The following PLEKHG7 variants were observed in gnomAD, a reference collection of about 807,000 sequenced individuals.
PLEKHG7 encodes the protein pleckstrin homology domain-containing family G member 7.
In PLEKHG7, 77 loss-of-function variants were observed where a neutral mutation model predicts 85.2. The observed-to-expected ratio is 0.90, with a 90% CI of 0.75 to 1.09. The LOEUF (loss-of-function observed/expected upper bound fraction) is 1.09. Among genes scored for constraint, PLEKHG7 ranks in the 50% least tolerant of loss-of-function variants. The probability of loss-of-function intolerance (pLI) is 0.00; values close to 1 mark genes in which losing one functional copy is unlikely to be tolerated. For missense variants in PLEKHG7, 777 were observed against 804.3 expected (o/e 0.97, Z 0.41); for synonymous variants, 301 against 302.4 (o/e 1.00, Z 0.05).
intron 9 of PLEKHG7, among the ~76,000 whole-genome samples, chr12:92,743,258 A>G (rs1382513775): frequency 1.3e-5 from 2 of 152,162 alleles, no homozygotes; most frequent in East Asian, 3.9e-4. Context: ...TTTCTGCCCG[A>G]AACAACACAT....
chr12:92,737,722 AAGGAAGGAGGG>A (rs1432973908), intron 7 of PLEKHG7, among the ~76,000 whole-genome samples: 2 of 111,748 alleles, frequency 1.8e-5, no homozygotes, highest in African/African-American at 7.0e-5. Context: ...AGAGGGAGGG[AAGGAAGGAGGG>A]AGGAAGGGAG....
chr12:92,735,357 C>T (rs1335781174), intron 5 of PLEKHG7, among the ~76,000 whole-genome samples: 1 of 152,206 alleles, frequency 6.6e-6, no homozygotes, highest in Non-Finnish European at 1.5e-5. Flanking sequence ...GAGAAACCAG[C>T]CACAGCCCAT....
chr12:92,720,164 G>A (rs895424197), intron 3 of PLEKHG7, among the ~76,000 whole-genome samples: 9 of 152,118 alleles, frequency 5.9e-5, no homozygotes, highest in African/African-American at 2.2e-4. Flanking sequence ...TGAAATCACA[G>A]TTTGGGCAGA....
chr12:92,704,204 G>A (rs1299270860), intron 1 of PLEKHG7, among the ~76,000 whole-genome samples: 1 of 151,954 alleles, frequency 6.6e-6, no homozygotes, highest in African/African-American at 2.4e-5. Context: ...TGAGGTTACA[G>A]TGCGATATGA....
At chr12:92,715,485 A>G (rs936904124) in intron 3 of PLEKHG7, among the ~76,000 whole-genome samples, 1 of 152,054 alleles carries the variant, frequency 6.6e-6, no homozygotes, top group Non-Finnish European at 1.5e-5. Context: ...AGAACTGAAA[A>G]CAAAAACAAA....
Position 92,706,677 on chromosome 12 carries a change from T to C in PLEKHG7, c.46T>C (p.Cys16Arg). 4.3e-6 allele frequency: 7 copies of C among 1,614,140 alleles called. No individual in the cohort carries two copies. Among genetic ancestry groups the C allele is most frequent in the Non-Finnish European group, 5.9e-6 (7 of 1,180,010 alleles). The change falls in exon 2 of 17, where the codon TGT becomes CGT. Residue 16 changes from cysteine to arginine, a missense_variant. Cys to Arg is a radical substitution (Grantham distance 180). This residue lies in a region of PLEKHG7 where 252 missense variants were observed against 241.9 expected (regional missense o/e 1.04). Coordinates refer to ENST00000344636, the MANE Select transcript of PLEKHG7 (RefSeq NM_001377329.1). ...SFCPEVPPQD[C>R]GASPRPSLRS... ...CTGTCCAGAGGTGCCACCCCAAGAC[T>C]GTGGAGCCTCTCCTCGGCCCTCGCT...
intron 7 of PLEKHG7, among the ~76,000 whole-genome samples, chr12:92,739,555 T>C (rs1872286540): frequency 1.3e-5 from 2 of 152,200 alleles, no homozygotes. Flanking sequence ...CAAACTGACA[T>C]TTCCTGTTTA....
rs1342783116 is a variant in PLEKHG7 at position 92,727,960 on chromosome 12, GTGTA to G, written c.531-1031_531-1028del. Among the ~76,000 whole-genome samples the G allele has an allele frequency of 2.3e-3, 244 of 103,882 alleles. 8 individuals carry two copies. In the Middle Eastern group the frequency reaches 0.032, roughly 14 times the overall value. 68.2% of individuals were successfully genotyped at this position (103,882 alleles called of 152,430 possible). ...TGTGTGTGTGTGTGTGTGTGTGTGT[GTGTA>G]TATATATATATACACATATATACAC... is the stretch of plus-strand genomic sequence containing the variant. On this transcript the variant is annotated intron_variant, in intron 3 of 16. Coordinates refer to ENST00000344636, the MANE Select transcript of PLEKHG7 (RefSeq NM_001377329.1).
chr12:92,761,703 C>T, intron 13 of PLEKHG7, 49 bp from the exon 14 acceptor site: 1 of 1,491,762 alleles, frequency 6.7e-7, no homozygotes, highest in Non-Finnish European at 8.9e-7. Context: ...AAAAACTCTT[C>T]TACTTAACAG....
chr12:92,740,652 T>A (rs1421567585), intron 7 of PLEKHG7, among the ~76,000 whole-genome samples: 1 of 152,216 alleles, frequency 6.6e-6, no homozygotes, highest in Non-Finnish European at 1.5e-5. Context: ...ACTTTCATAC[T>A]GAAAAGCTCA....
intron 1 of PLEKHG7, among the ~76,000 whole-genome samples, chr12:92,703,708 C>A (rs1425576415): frequency 6.6e-6 from 1 of 152,260 alleles, no homozygotes; most frequent in African/African-American, 2.4e-5. Flanking sequence ...CTAAGCCCTG[C>A]TGTTTTTAAA....
intron 13 of PLEKHG7, among the ~76,000 whole-genome samples, chr12:92,757,601 T>G (rs1394234863): frequency 6.6e-6 from 1 of 152,232 alleles, no homozygotes; most frequent in Non-Finnish European, 1.5e-5. Context: ...TCATACATTG[T>G]CTCTTTCCAG....
At chr12:92,759,294 A>T (rs1872920940) in intron 13 of PLEKHG7, among the ~76,000 whole-genome samples, 1 of 152,252 alleles carries the variant, frequency 6.6e-6, no homozygotes, top group Non-Finnish European at 1.5e-5. Flanking sequence ...AATACGTAGA[A>T]GGTGTGCTCC....
chr12:92,735,758 C>T (rs1483565453), intron 5 of PLEKHG7, among the ~76,000 whole-genome samples: 4 of 152,092 alleles, frequency 2.6e-5, no homozygotes, highest in Non-Finnish European at 5.9e-5. Flanking sequence ...AAATATGGTA[C>T]ATTATACCAT....
At position 92,733,372 on chromosome 12, in the gene PLEKHG7, A is replaced by G. The variant is rs1872048921; in HGVS notation, c.699+1099A>G. ...AGTAGTATCTTTAATTAGGGTTTGG[A>G]AAACAACTTATTCTCATAGCCAAGT... is the stretch of plus-strand genomic sequence containing the variant. On this transcript the variant is annotated intron_variant, in intron 5 of 16. Coordinates refer to ENST00000344636, the MANE Select transcript of PLEKHG7 (RefSeq NM_001377329.1). Among the ~76,000 whole-genome samples the G allele has an allele frequency of 2.0e-5, 3 of 152,214 alleles. No individual in the cohort carries two copies. In the South Asian group the frequency reaches 6.2e-4, roughly 31 times the overall value.
intron 11 of PLEKHG7, among the ~76,000 whole-genome samples, chr12:92,755,135 T>C (rs1872792504): frequency 1.3e-5 from 2 of 152,210 alleles, no homozygotes; most frequent in Admixed American, 1.3e-4. Flanking sequence ...GATGGGTTTG[T>C]GAGGAAAGAT....
At chr12:92,705,641 C>T (rs531722702) in intron 1 of PLEKHG7, among the ~76,000 whole-genome samples, 6 of 152,352 alleles carry the variant, frequency 3.9e-5, no homozygotes, top group South Asian at 2.1e-4. Flanking sequence ...ATGGGTCTCT[C>T]GCCTGTCCCA....
chr12:92,770,217 T>A lies in PLEKHG7; in HGVS notation c.*22T>A, dbSNP rs777622234. Reference sequence around the variant, plus strand: ...TTAGGGACCTAAAACAAGTGGCATGTCTTTTTAGAAGATTATGGTTTAAGG... The same window carrying A: ...TTAGGGACCTAAAACAAGTGGCATGACTTTTTAGAAGATTATGGTTTAAGG... On this transcript the variant is annotated 3_prime_UTR_variant, in exon 17 of 17. Coordinates refer to ENST00000344636, the MANE Select transcript of PLEKHG7 (RefSeq NM_001377329.1). The A allele has an allele frequency of 2.7e-6, 4 of 1,487,482 alleles. No individual in the cohort carries two copies. Among genetic ancestry groups the A allele is most frequent in the Non-Finnish European group, 9.3e-7 (1 of 1,075,686 alleles). 92.1% of individuals were successfully genotyped at this position (1,487,482 alleles called of 1,614,324 possible).
In PLEKHG7 at chr12:92,706,602, C is replaced by G. The variant is rs377053096; in HGVS notation, c.-30C>G. 6.5e-5 allele frequency: 101 copies of G among 1,559,620 alleles called. No individual in the cohort carries two copies. Among genetic ancestry groups the G allele is most frequent in the Non-Finnish European group, 8.3e-5 (96 of 1,154,994 alleles). On this transcript the variant is annotated 5_prime_UTR_variant, in exon 2 of 17. Transcript: ENST00000344636. ...CAGCAACTCATACGTCTTCTGGAAC[C>G]TTCTACCAACAGTAGAACCTCTTAG...
Sources: allele counts gnomAD v4.1 joint callset (sites outside exome capture counted in the v4.1 genomes callset), GRCh38; gene constraint gnomAD v4.1.1; regional missense constraint gnomAD v4.1.1; transcripts MANE v1.5; gene names NCBI Gene and HGNC (gene_info 2026-07-23, HGNC 2026-07-21).